Variants in ZBTB20 observed in about 807,000 individuals in gnomAD.
ZBTB20 encodes zinc finger and BTB domain-containing protein 20.
In ZBTB20, 9 loss-of-function variants were observed where a neutral mutation model predicts 56.9. That is an observed-to-expected ratio of 0.16 (90% CI 0.10 to 0.28). The LOEUF (loss-of-function observed/expected upper bound fraction) is 0.28, where lower values mean the gene tolerates loss of function less well. ZBTB20 is among the 10% of genes least tolerant of loss of function. The pLI, the probability that ZBTB20 is intolerant of heterozygous loss-of-function variation, is 1.00. For synonymous variants in ZBTB20, 417 were observed against 420.7 expected, an observed-to-expected ratio of 0.99 and a Z score of 0.11; for missense variants, 655 against 1,003.0, an observed-to-expected ratio of 0.65 and a Z score of 4.69.
intron 5 of ZBTB20, among the ~76,000 whole-genome samples, chr3:114,756,039 G>T (rs924754028): frequency 6.6e-6 from 1 of 151,596 alleles, no homozygotes; most frequent in African/African-American, 2.4e-5. Context: ...TTCCTTTATT[G>T]TTTTATTTTT....
intron 2 of ZBTB20, among the ~76,000 whole-genome samples, chr3:115,036,466 G>C (rs2080926449): frequency 1.3e-5 from 2 of 152,074 alleles, no homozygotes; most frequent in Admixed American, 6.5e-5. Context: ...CCAGGCTGGA[G>C]TGCAGTGGTG....
intron 5 of ZBTB20, among the ~76,000 whole-genome samples, chr3:114,774,466 A>G (rs1475929272): frequency 6.6e-6 from 1 of 152,172 alleles, no homozygotes; most frequent in Non-Finnish European, 1.5e-5. Context: ...ATGTACACAC[A>G]TTCCTTTCTT....
chr3:114,938,978 T>C (rs2076641694), intron 3 of ZBTB20, among the ~76,000 whole-genome samples: 1 of 145,060 alleles, frequency 6.9e-6, no homozygotes, highest in Non-Finnish European at 1.5e-5. Flanking sequence ...AATCTAGTAT[T>C]GGGCAGAAAT....
At chr3:115,063,686 C>A (rs910023897) in intron 2 of ZBTB20, among the ~76,000 whole-genome samples, 10 of 149,962 alleles carry the variant, frequency 6.7e-5, no homozygotes, top group African/African-American at 2.5e-4. Context: ...CACACACAAA[C>A]ACACACACAC....
At chr3:114,562,267 C>T (rs1024859118) in intron 6 of ZBTB20, among the ~76,000 whole-genome samples, 7 of 151,592 alleles carry the variant, frequency 4.6e-5, no homozygotes, top group South Asian at 4.2e-4. Context: ...CAGGTTCAAG[C>T]GATTCTCCTG....
chr3:114,430,637 C>T (rs1379546136), intron 7 of ZBTB20, among the ~76,000 whole-genome samples: 1 of 152,168 alleles, frequency 6.6e-6, no homozygotes, highest in Non-Finnish European at 1.5e-5. Context: ...ATTCAAATCA[C>T]TCATGTATTT....
Position 114,921,711 on chromosome 3 carries a change from T to C in ZBTB20, c.-455-21369A>G, listed in dbSNP as rs141526725. Among the ~76,000 whole-genome samples, 1,024 of 113,856 alleles carry C rather than the reference T, an allele frequency of 9.0e-3. 14 individuals are homozygous for C. The highest frequency in any genetic ancestry group is 0.033 in the African/African-American group (954 of 29,032). 74.7% of individuals were successfully genotyped at this position (113,856 alleles called of 152,430 possible). ...GGGGAACATCACACACCAGAGCCTGTTTTGGGGTGGGGGGAGGGGGGAGGG... is the reference window on the plus strand; with the variant it reads ...GGGGAACATCACACACCAGAGCCTGCTTTGGGGTGGGGGGAGGGGGGAGGG... On this transcript the variant is annotated intron_variant, in intron 3 of 11. Transcript: ENST00000675478.
intron 6 of ZBTB20, among the ~76,000 whole-genome samples, chr3:114,543,398 T>C (rs1277303529): frequency 1.3e-5 from 2 of 152,162 alleles, no homozygotes; most frequent in African/African-American, 4.8e-5. Flanking sequence ...AAAGCAATGG[T>C]GTAGATGAGA....
intron 1 of ZBTB20, among the ~76,000 whole-genome samples, chr3:115,124,093 C>T (rs1444297312): frequency 1.3e-5 from 2 of 151,986 alleles, no homozygotes; most frequent in African/African-American, 2.4e-5. Flanking sequence ...TGGCATGTAG[C>T]GATATTAAAG....
chr3:115,005,893 T>C (rs1157308536), intron 2 of ZBTB20, among the ~76,000 whole-genome samples: 1 of 151,878 alleles, frequency 6.6e-6, no homozygotes, highest in East Asian at 1.9e-4. Context: ...CAAAATTCTA[T>C]GAGGTCTGTC....
chr3:114,412,529 G>A (rs920407838), intron 7 of ZBTB20, among the ~76,000 whole-genome samples: 4 of 152,098 alleles, frequency 2.6e-5, no homozygotes, highest in Non-Finnish European at 5.9e-5. Flanking sequence ...CTGACCTTGG[G>A]TTCATAGACT....
At chr3:114,402,652 C>G (rs138406976) in intron 7 of ZBTB20, among the ~76,000 whole-genome samples, 2 of 152,270 alleles carry the variant, frequency 1.3e-5, no homozygotes, top group Admixed American at 1.3e-4. Flanking sequence ...GCTGTTGGGA[C>G]TAGATTCTTC....
chr3:114,851,505 T>C lies in ZBTB20; in HGVS notation c.-417+48799A>G, dbSNP rs76814440. On this transcript the variant is annotated intron_variant, in intron 4 of 11. Coordinates refer to ENST00000675478, the MANE Select transcript of ZBTB20 (RefSeq NM_001348800.3). ...ATCATTTTAATTTCCTCCATTTCTC[T>C]GGTTATTTCCCCATTGTATTTCCAA... Among the ~76,000 whole-genome samples the C allele has an allele frequency of 2.3e-3, 344 of 152,262 alleles. 2 individuals are homozygous for C. Among genetic ancestry groups the C allele is most frequent in the African/African-American group, 8.0e-3 (334 of 41,574 alleles).
intron 6 of ZBTB20, among the ~76,000 whole-genome samples, chr3:114,656,970 A>G (rs537000855): frequency 2.6e-4 from 40 of 152,314 alleles, no homozygotes; most frequent in Admixed American, 7.2e-4. Context: ...AAAATCCTGA[A>G]TATATTTATA....
At chr3:114,881,995 T>G (rs970083225) in intron 4 of ZBTB20, among the ~76,000 whole-genome samples, 16 of 151,722 alleles carry the variant, frequency 1.1e-4, no homozygotes, top group African/African-American at 3.9e-4. Flanking sequence ...CATAAAAAAT[T>G]TTTCTACATA....
chr3:114,331,573 C>T lies in ZBTB20; in HGVS notation c.*7432G>A, dbSNP rs1292482920. The T allele has an allele frequency of 6.6e-6, 1 of 152,136 alleles. No homozygotes were observed. The highest frequency in any genetic ancestry group is 1.5e-5 in the Non-Finnish European group (1 of 68,014). The allele number at this position is 152,136 out of a possible 1,614,324, so 9.4% of individuals were successfully genotyped here. On this transcript the variant is annotated 3_prime_UTR_variant, in exon 12 of 12. Coordinates refer to ENST00000675478, the MANE Select transcript of ZBTB20 (RefSeq NM_001348800.3). ...TTCCAGATGACAATAAGTATATACA[C>T]AAACACACACATGTGCACACATGTC...
chr3:114,397,774 G>A (rs1264282267), intron 7 of ZBTB20, among the ~76,000 whole-genome samples: 1 of 152,106 alleles, frequency 6.6e-6, no homozygotes, highest in African/African-American at 2.4e-5. Context: ...GGTGCTGGAA[G>A]CCTAATCTTT....
intron 4 of ZBTB20, among the ~76,000 whole-genome samples, chr3:114,821,888 T>G (rs1352297822): frequency 6.6e-6 from 1 of 152,152 alleles, no homozygotes; most frequent in South Asian, 2.1e-4. Flanking sequence ...AGATAATTTT[T>G]CTTTTAAATT....
chr3:114,984,684 A>T (rs2078462706), intron 2 of ZBTB20, among the ~76,000 whole-genome samples: 1 of 152,092 alleles, frequency 6.6e-6, no homozygotes, highest in Admixed American at 6.6e-5. Flanking sequence ...TTCAGATACA[A>T]TCAATTCAAT....
Sources: allele counts gnomAD v4.1 joint callset (sites outside exome capture counted in the v4.1 genomes callset), GRCh38; gene constraint gnomAD v4.1.1; transcripts MANE v1.5; gene names NCBI Gene and HGNC (gene_info 2026-07-23, HGNC 2026-07-21).